Variants in BAAT observed in about 807,000 individuals in gnomAD.
BAAT encodes the protein bile acid CoA: amino acid N-acyltransferase (glycine N-choloyltransferase).
A neutral mutation model predicts 18.9 loss-of-function variants in BAAT; 13 were observed. The ratio of observed to expected loss-of-function variants is 0.69; its 90% confidence interval spans 0.45 to 1.10. BAAT has a LOEUF of 1.10. Ranked by LOEUF, BAAT falls within the 50% of genes least tolerant of loss-of-function variation. BAAT has a pLI of 0.00. For missense variants in BAAT, 489 were observed against 504.0 expected, an observed-to-expected ratio of 0.97 and a Z score of 0.28; for synonymous variants, 170 against 190.7, an observed-to-expected ratio of 0.89 and a Z score of 0.89.
intron 2 of BAAT, among the ~76,000 whole-genome samples, chr9:101,370,163 A>G (rs1325091023): frequency 6.6e-6 from 1 of 152,098 alleles, no homozygotes; most frequent in Non-Finnish European, 1.5e-5. Context: ...CCATCACATC[A>G]AGATGAGGGT....
chr9:101,371,838 T>TTA (rs1018701675), intron 1 of BAAT, among the ~76,000 whole-genome samples: 6 of 152,048 alleles, frequency 3.9e-5, no homozygotes, highest in South Asian at 2.1e-4. Flanking sequence ...TATTGAACGT[T>TTA]TATATATATA....
chr9:101,380,890 T>A (rs1588145533), intron 1 of BAAT, among the ~76,000 whole-genome samples: 1 of 152,124 alleles, frequency 6.6e-6, no homozygotes, highest in African/African-American at 2.4e-5. Flanking sequence ...GTAGCTGGGA[T>A]TACAGGCACC....
At chr9:101,368,074 C>T (rs1564055223) in intron 3 of BAAT, 46 bp downstream of exon 3, 1 of 1,575,888 alleles carries the variant, frequency 6.3e-7, no homozygotes, top group Non-Finnish European at 8.7e-7. Flanking sequence ...AAAACAGAAA[C>T]AAAAAAACCC....
Position 101,362,842 on chromosome 9 carries a change from A to T in BAAT, c.843T>A (p.Ser281=), listed in dbSNP as rs140793591. The T allele has an allele frequency of 3.7e-6, 6 of 1,614,184 alleles. No homozygotes were observed. The Middle Eastern group carries it at 4.9e-4, about 133-fold the overall frequency. The change falls in exon 4 of 4, where the codon TCT becomes TCA. Residue 281 remains serine (S), a synonymous_variant. Coordinates refer to ENST00000259407, the MANE Select transcript of BAAT (RefSeq NM_001701.4). ...HGQIHQPLPH[S]AQLISTNALG... Reference sequence around the variant, plus strand: ...AGGCATTGGTGGATATTAATTGTGCAGAATGGGGAAGGGGCTGATGGATCT... The same window carrying T: ...AGGCATTGGTGGATATTAATTGTGCTGAATGGGGAAGGGGCTGATGGATCT...
chr9:101,375,113 T>C (rs1290419685), intron 1 of BAAT, among the ~76,000 whole-genome samples: 2 of 152,208 alleles, frequency 1.3e-5, no homozygotes, highest in South Asian at 2.1e-4. Flanking sequence ...CCCCCCATAC[T>C]GTTCTCATGG....
chr9:101,370,978 G>A lies in BAAT; in HGVS notation c.427C>T (p.Arg143Ter), dbSNP rs2119025646. 3.1e-6 allele frequency: 5 copies of A among 1,614,024 alleles called. No individual in the cohort carries two copies. Among genetic ancestry groups the A allele is most frequent in the East Asian group, 2.2e-5 (1 of 44,850 alleles). ...VAPGVTRIKV[R>*]EGRLRGALFL... ...AGAGCTCCTCGAAGGCGGCCTTCTC[G>A]AACCTTAATTCGTGTGACACCAGGT... The change falls in exon 2 of 4, where the codon CGA (arginine) becomes TGA (stop). Residue 143 changes from arginine (R) to a stop codon, truncating the protein, a stop_gained. Transcript: ENST00000259407. LOFTEE classifies it high-confidence loss of function.
At chr9:101,375,710 G>C (rs1220681081) in intron 1 of BAAT, 2 of 153,190 alleles carry the variant, frequency 1.3e-5, no homozygotes, top group African/African-American at 4.8e-5. Context: ...GGGTGCCACC[G>C]AAGTTTCTGC....
In BAAT at chr9:101,362,575, A is replaced by G. The variant is rs897356495; in HGVS notation, c.1110T>C (p.Pro370=). The G allele has an allele frequency of 6.2e-7, 1 of 1,614,132 alleles. No individual in the cohort carries two copies. The highest frequency in any genetic ancestry group is 1.7e-5 in the Admixed American group (1 of 60,014). ...CGTGGGTCGTTGAGGCACAGCACAGAGGAGAATAGGGAGGTTCTATCAGGT... is the reference window on the plus strand; with the variant it reads ...CGTGGGTCGTTGAGGCACAGCACAGGGGAGAATAGGGAGGTTCTATCAGGT... The part of the protein sequence containing the change: ...AGHLIEPPYS[P]LCCASTTHDL... Residue 370 remains proline (P), a synonymous_variant, in exon 4 of 4, where the codon CCT becomes CCC. Coordinates refer to ENST00000259407, the MANE Select transcript of BAAT (RefSeq NM_001701.4).
rs1829755809 is a variant in BAAT at position 101,362,734 on chromosome 9, CT to C, written c.950del (p.Gln317ArgfsTer8). On this transcript the variant is annotated frameshift_variant, in exon 4 of 4. Coordinates refer to ENST00000259407, the MANE Select transcript of BAAT (RefSeq NM_001701.4). LOFTEE classifies it low-confidence loss of function (END_TRUNC). ...SQYLFPIEEA[Q>X]GQFLFIVGEG... ...CTCCTACAATGAAGAGGAATTGCCC[CT>C]GGGCCTCTTCAATAGGAAACAAATA... The C allele has an allele frequency of 6.2e-7, 1 of 1,614,220 alleles. No homozygotes were observed. The highest frequency in any genetic ancestry group is 8.5e-7 in the Non-Finnish European group (1 of 1,180,038).
At position 101,362,329 on chromosome 9, in the gene BAAT, G is replaced by T; in HGVS notation, c.*99C>A. ...TTAATCATTAAAATTAATACAAAATGTGTGTGTGGCAGCTGGGGGAGACAT... is the reference window on the plus strand; with the variant it reads ...TTAATCATTAAAATTAATACAAAATTTGTGTGTGGCAGCTGGGGGAGACAT... On this transcript the variant is annotated 3_prime_UTR_variant, in exon 4 of 4. Coordinates refer to ENST00000259407, the MANE Select transcript of BAAT (RefSeq NM_001701.4). 8.2e-7 allele frequency: 1 copy of T among 1,214,588 alleles called. No homozygotes were observed. The allele number at this position is 1,214,588 out of a possible 1,614,324, so 75.2% of individuals were successfully genotyped here.
At position 101,362,297 on chromosome 9, in the gene BAAT, G is replaced by A. The variant is rs1027384513; in HGVS notation, c.*131C>T. 5 of 986,622 alleles carry A rather than the reference G, an allele frequency of 5.1e-6. No individual in the cohort carries two copies. In the African/African-American group the frequency reaches 8.1e-5, roughly 16 times the overall value. The allele number at this position is 986,622 out of a possible 1,614,324, so 61.1% of individuals were successfully genotyped here. On this transcript the variant is annotated 3_prime_UTR_variant, in exon 4 of 4. Coordinates refer to ENST00000259407, the MANE Select transcript of BAAT (RefSeq NM_001701.4). ...GTGAAATATCAGGTTTTTACCCTAT[G>A]CTCTTTTTAATCATTAAAATTAATA...
chr9:101,366,370 T>C (rs139942318), intron 3 of BAAT, among the ~76,000 whole-genome samples: 1 of 152,338 alleles, frequency 6.6e-6, no homozygotes, highest in East Asian at 1.9e-4. Context: ...TTATGAGTTC[T>C]TAGAAGTTAC....
intron 1 of BAAT, among the ~76,000 whole-genome samples, chr9:101,381,333 G>A (rs1830129488): frequency 6.6e-6 from 1 of 151,812 alleles, no homozygotes; most frequent in African/African-American, 2.4e-5. Context: ...ACCAGCCTGG[G>A]CAACATAGTG....
In BAAT at chr9:101,362,845, A is replaced by G. The variant is rs570852626; in HGVS notation, c.840T>C (p.His280=). Residue 280 remains histidine, a synonymous_variant, in exon 4 of 4, where the codon CAT becomes CAC. Transcript: ENST00000259407. ...YHGQIHQPLP[H]SAQLISTNAL... is the part of the protein sequence containing the mutation. ...CATTGGTGGATATTAATTGTGCAGA[A>G]TGGGGAAGGGGCTGATGGATCTGAC... The G allele has an allele frequency of 3.1e-6, 5 of 1,614,168 alleles. 1 individual carries two copies. In the South Asian group the frequency reaches 4.4e-5, roughly 14 times the overall value.
chr9:101,366,670 T>C (rs1829833595), intron 3 of BAAT, among the ~76,000 whole-genome samples: 1 of 152,186 alleles, frequency 6.6e-6, no homozygotes, highest in Non-Finnish European at 1.5e-5. Flanking sequence ...CTCACAATGA[T>C]AATATTGACT....
rs1355404610 is a variant in BAAT, at chr9:101,374,172, C to G, written c.-59-2709G>C. Among the ~76,000 whole-genome samples, 9 of 152,202 alleles carry G rather than the reference C, an allele frequency of 5.9e-5. No homozygotes were observed. The East Asian group carries it at 1.5e-3, about 26-fold the overall frequency. On this transcript the variant is annotated intron_variant, in intron 1 of 3. Transcript: ENST00000259407. ...ACTAGACTCAAGACTACACTAAATC[C>G]AAACAGTACACATGACCTAAGTTTT...
chr9:101,383,958 G>C (rs1226148), intron 1 of BAAT, among the ~76,000 whole-genome samples: 60,469 of 151,902 alleles, frequency 0.4, 13,446 homozygotes, highest in African/African-American at 0.61. Flanking sequence ...ATTTGGGGAG[G>C]ACCAAATCTC....
At chr9:101,377,591 T>C (rs1830068560) in intron 1 of BAAT, among the ~76,000 whole-genome samples, 1 of 152,180 alleles carries the variant, frequency 6.6e-6, no homozygotes, top group South Asian at 2.1e-4. Context: ...AACTAGATAT[T>C]GATGGAACAT....
intron 3 of BAAT, among the ~76,000 whole-genome samples, chr9:101,366,858 TA>T (rs111934309): frequency 4.8e-4 from 71 of 146,628 alleles, no homozygotes; most frequent in Admixed American, 1.2e-3. Context: ...CAATTCTTAT[TA>T]AAAAAAAAAA....
Sources: gnomAD v4.1 joint callset for allele counts (sites outside exome capture counted in the v4.1 genomes callset) on GRCh38, gnomAD v4.1.1 for gene constraint, MANE v1.5 for transcripts, NCBI Gene and HGNC (gene_info 2026-07-23, HGNC 2026-07-21) for gene names.